Variants in PARD3B observed in about 807,000 individuals in gnomAD.
PARD3B encodes par-3 family cell polarity regulator beta.
In PARD3B, 103 loss-of-function variants were observed where a neutral mutation model predicts 130.2. The observed-to-expected ratio is 0.79, with a 90% CI of 0.67 to 0.93. The LOEUF is 0.93. PARD3B is among the 40% of genes least tolerant of loss of function. The pLI is 0.00. For synonymous variants in PARD3B, 583 were observed against 553.2 expected, an observed-to-expected ratio of 1.05 and a Z score of -0.76; for missense variants, 1,609 against 1,499.2, an observed-to-expected ratio of 1.07 and a Z score of -1.21.
chr2:205,529,908 G>T (rs963668699), intron 21 of PARD3B, among the ~76,000 whole-genome samples: 1 of 152,220 alleles, frequency 6.6e-6, no homozygotes, highest in South Asian at 2.1e-4. Context: ...GTCCATGCCC[G>T]TGGGCTCTGG....
intron 15 of PARD3B, among the ~76,000 whole-genome samples, chr2:205,227,195 A>G (rs1186209952): frequency 6.6e-6 from 1 of 151,966 alleles, no homozygotes; most frequent in Non-Finnish European, 1.5e-5. Context: ...TATTTAGTCC[A>G]TTTGGTCTAT....
At chr2:204,741,402 C>G (rs574441998) in intron 2 of PARD3B, among the ~76,000 whole-genome samples, 1 of 152,058 alleles carries the variant, frequency 6.6e-6, no homozygotes, top group Non-Finnish European at 1.5e-5. Context: ...TTCATTTCCC[C>G]AAATCTTCAT....
rs1039954063 is a variant in PARD3B at position 204,967,458 on chromosome 2, GTAATA to G, written c.394+2139_394+2143del. Among the ~76,000 whole-genome samples, 13 of 152,158 alleles carry G rather than the reference GTAATA, an allele frequency of 8.5e-5. No individual in the cohort carries two copies. The highest frequency in any genetic ancestry group is 2.9e-4 in the African/African-American group (12 of 41,426). On this transcript the variant is annotated intron_variant, in intron 3 of 22. Transcript: ENST00000406610. The surrounding 1 kb of genome is among the most constrained non-coding windows in gnomAD (Gnocchi z 4.4). ...CTTTCTAAATCACAAATCTGATTATGTAATATAACTCCCCTGCTTAACGACCTTCA... is the reference window on the plus strand; with the variant it reads ...CTTTCTAAATCACAAATCTGATTATGTAACTCCCCTGCTTAACGACCTTCA...
chr2:204,973,787 G>A (rs2125185134), intron 3 of PARD3B, among the ~76,000 whole-genome samples: 1 of 152,078 alleles, frequency 6.6e-6, no homozygotes, highest in East Asian at 1.9e-4. Flanking sequence ...TCTTTATTTG[G>A]CCCAGTGAAA....
In PARD3B at chr2:205,274,538, C is replaced by T. The variant is rs865922589; in HGVS notation, c.2186-25992C>T. On this transcript the variant is annotated intron_variant, in intron 16 of 22. Coordinates refer to ENST00000406610, the MANE Select transcript of PARD3B (RefSeq NM_001302769.2). This position sits in a 1 kb window ranked among gnomAD's most constrained non-coding sequence, Gnocchi z 4.2. The stretch of plus-strand genomic sequence containing the variant: ...ATAGTATTAAATGTGTGGTACATTG[C>T]TTTTTTTAATAACCCCTTTCCTGAT... Among the ~76,000 whole-genome samples, 146 of 31,300 alleles carry T rather than the reference C, an allele frequency of 4.7e-3. No individual in the cohort carries two copies. Among genetic ancestry groups the T allele is most frequent in the Non-Finnish European group, 9.7e-3 (111 of 11,406 alleles). The allele number at this position is 31,300 out of a possible 152,430, so 20.5% of individuals were successfully genotyped here.
intron 2 of PARD3B, among the ~76,000 whole-genome samples, chr2:204,710,095 T>C (rs2038361629): frequency 6.6e-6 from 1 of 152,196 alleles, no homozygotes; most frequent in South Asian, 2.1e-4. Context: ...TACGTTAAAA[T>C]AAGATTTCAG....
intron 2 of PARD3B, among the ~76,000 whole-genome samples, chr2:204,785,900 T>TCAGG (rs1445872483): frequency 4.0e-5 from 6 of 151,862 alleles, no homozygotes; most frequent in Admixed American, 3.3e-4. Flanking sequence ...AATCATGAGG[T>TCAGG]CAGGAGTTTG....
In PARD3B at chr2:205,121,992, A is replaced by G; in HGVS notation, c.1165+43A>G. ...CCTAATAGCATTCTATTATTGTAACATGTAAAATTGGTTAAGAGAAATGCA... is the reference window on the plus strand; with the variant it reads ...CCTAATAGCATTCTATTATTGTAACGTGTAAAATTGGTTAAGAGAAATGCA... On this transcript the variant is annotated intron_variant, in intron 8 of 22. Coordinates refer to ENST00000406610, the MANE Select transcript of PARD3B (RefSeq NM_001302769.2). This position sits in a 1 kb window ranked among gnomAD's most constrained non-coding sequence, Gnocchi z 5.0. 2 of 1,488,150 alleles carry G rather than the reference A, an allele frequency of 1.3e-6. No homozygotes were observed. The highest frequency in any genetic ancestry group is 1.8e-6 in the Non-Finnish European group (2 of 1,098,546). The allele number at this position is 1,488,150 out of a possible 1,614,324, so 92.2% of individuals were successfully genotyped here. A position where few individuals can be genotyped will look rare whatever the true frequency, so the allele number is the denominator to read the frequency against.
chr2:205,034,106 G>A (rs1326219476), intron 3 of PARD3B, among the ~76,000 whole-genome samples: 7 of 152,144 alleles, frequency 4.6e-5, no homozygotes, highest in Non-Finnish European at 1.0e-4. Context: ...CATACTAGAC[G>A]AGATACCCTT....
chr2:205,483,101 C>G (rs184726954), intron 20 of PARD3B, among the ~76,000 whole-genome samples: 226 of 152,184 alleles, frequency 1.5e-3, no homozygotes, highest in African/African-American at 5.3e-3. Context: ...CAAGTGCATG[C>G]CTCTCTCTCT....
At chr2:205,214,944 G>A (rs772591421) in intron 15 of PARD3B, among the ~76,000 whole-genome samples, 11 of 152,088 alleles carry the variant, frequency 7.2e-5, no homozygotes, top group African/African-American at 4.8e-5. Context: ...AGTCATTTAA[G>A]GGCAAGAATT....
Position 205,470,802 on chromosome 2 carries a change from A to G in PARD3B, c.3045-29094A>G, listed in dbSNP as rs1345979763. Among the ~76,000 whole-genome samples, 4 of 152,196 alleles carry G rather than the reference A, an allele frequency of 2.6e-5. No homozygotes were observed. The highest frequency in any genetic ancestry group is 5.9e-5 in the Non-Finnish European group (4 of 68,022). The stretch of plus-strand genomic sequence containing the variant: ...GTCATGTTTGACTCTATTAGGAAAA[A>G]TTCTATGGAGTTTACAATAGAATCA... On this transcript the variant is annotated intron_variant, in intron 20 of 22. Coordinates refer to ENST00000406610, the MANE Select transcript of PARD3B (RefSeq NM_001302769.2). This position sits in a 1 kb window ranked among gnomAD's most constrained non-coding sequence, Gnocchi z 4.8.
intron 2 of PARD3B, among the ~76,000 whole-genome samples, chr2:204,885,591 A>G (rs2046244077): frequency 6.6e-6 from 1 of 152,246 alleles, no homozygotes; most frequent in Non-Finnish European, 1.5e-5. Flanking sequence ...TTTAAAGATA[A>G]GAAGATAGAC....
At chr2:205,614,084 T>A (rs1262899120) in intron 22 of PARD3B, among the ~76,000 whole-genome samples, 2 of 152,182 alleles carry the variant, frequency 1.3e-5, no homozygotes, top group Non-Finnish European at 2.9e-5. Context: ...TGGTGGTGAA[T>A]GTGTGCACAG....
intron 2 of PARD3B, among the ~76,000 whole-genome samples, chr2:204,835,287 A>G (rs2043987250): frequency 6.6e-6 from 1 of 152,216 alleles, no homozygotes. Flanking sequence ...AATTATCACA[A>G]TGCCACATAC....
intron 18 of PARD3B, among the ~76,000 whole-genome samples, chr2:205,384,047 A>G (rs2045576096): frequency 6.6e-6 from 1 of 152,084 alleles, no homozygotes; most frequent in Admixed American, 6.6e-5. Context: ...CCCTTAGCAC[A>G]GTTTACCTCA....
At chr2:205,439,826 A>G (rs1306139314) in intron 19 of PARD3B, among the ~76,000 whole-genome samples, 1 of 152,216 alleles carries the variant, frequency 6.6e-6, no homozygotes, top group African/African-American at 2.4e-5. Context: ...TCTCTTGTAA[A>G]TTATCCCTGA....
At chr2:205,119,696 C>T (rs1218761353) in intron 7 of PARD3B, among the ~76,000 whole-genome samples, 3 of 151,994 alleles carry the variant, frequency 2.0e-5, no homozygotes, top group African/African-American at 4.8e-5. Flanking sequence ...GCAGGAGAAT[C>T]GCTTGAACCT....
At chr2:204,568,829 C>A (rs1466718742) in intron 1 of PARD3B, among the ~76,000 whole-genome samples, 4 of 151,956 alleles carry the variant, frequency 2.6e-5, no homozygotes, top group African/African-American at 9.7e-5. Context: ...GTGGTGTGTG[C>A]CTTTAATCCC....
Sources: allele counts gnomAD v4.1 joint callset (sites outside exome capture counted in the v4.1 genomes callset), GRCh38; gene constraint gnomAD v4.1.1; non-coding constraint Gnocchi (gnomAD v3.1); transcripts MANE v1.5; gene names NCBI Gene and HGNC (gene_info 2026-07-23, HGNC 2026-07-21).